CDH12: variants seen among roughly 807,000 people sequenced by gnomAD.
The protein encoded by CDH12 is cadherin 12, also known as cadherin-12.
In CDH12, 41 loss-of-function variants were observed where a neutral mutation model predicts 74.1. The ratio of observed to expected loss-of-function variants is 0.55; its 90% CI spans 0.43 to 0.72. CDH12 has a LOEUF of 0.72. Among genes scored for constraint, CDH12 ranks in the 30% least tolerant of loss-of-function variants. The pLI, the probability that CDH12 is intolerant of heterozygous loss-of-function variation, is 0.00. For synonymous variants in CDH12, 399 were observed against 355.0 expected, an observed-to-expected ratio of 1.12 and a Z score of -1.39; for missense variants, 945 against 977.2, an observed-to-expected ratio of 0.97 and a Z score of 0.44.
At chr5:21,929,336 C>T (rs1754732115) in intron 6 of CDH12, among the ~76,000 whole-genome samples, 1 of 150,872 alleles carries the variant, frequency 6.6e-6, no homozygotes, top group Admixed American at 6.6e-5. Flanking sequence ...CAGTGGAATC[C>T]TAGAGCTTGT....
Position 22,167,413 on chromosome 5 carries a change from T to G in CDH12, c.-187+45085A>C, listed in dbSNP as rs1213465027. 5.9e-5 allele frequency among the ~76,000 whole-genome samples: 9 copies of G among 152,272 alleles called. No homozygotes were observed. The East Asian group carries it at 1.4e-3, about 23-fold the overall frequency. ...TGAAAAGTTTAATGCCATGGACAGA[T>G]TTTGACAGTGGTAATGGTATTGGTG... is the stretch of plus-strand genomic sequence containing the variant. On this transcript the variant is annotated intron_variant, in intron 4 of 14. Transcript: ENST00000382254.
At chr5:22,439,663 G>T (rs886185772) in intron 2 of CDH12, among the ~76,000 whole-genome samples, 1 of 152,044 alleles carries the variant, frequency 6.6e-6, no homozygotes, top group Non-Finnish European at 1.5e-5. Flanking sequence ...AAAACCTGAG[G>T]CTGCTACCAA....
In CDH12 at chr5:21,868,420, C is replaced by A. The variant is rs930433486; in HGVS notation, c.527-13630G>T. ...CTGTAGGGCCATCAGCATGCTACTC[C>A]AAACTGGGAAAGCTATAGGCATAAG... On this transcript the variant is annotated intron_variant, in intron 6 of 14. Coordinates refer to ENST00000382254, the MANE Select transcript of CDH12 (RefSeq NM_004061.5). Among the ~76,000 whole-genome samples, 4 of 152,114 alleles carry A rather than the reference C, an allele frequency of 2.6e-5. No homozygotes were observed. In the South Asian group the frequency reaches 6.2e-4, roughly 24 times the overall value.
At chr5:21,795,809 C>T (rs1746748426) in intron 10 of CDH12, among the ~76,000 whole-genome samples, 4 of 151,938 alleles carry the variant, frequency 2.6e-5, no homozygotes, top group Admixed American at 1.3e-4. Flanking sequence ...TGCACACATG[C>T]TAAGATTTCT....
intron 3 of CDH12, among the ~76,000 whole-genome samples, chr5:22,402,312 C>A (rs1007353303): frequency 6.6e-6 from 1 of 152,162 alleles, no homozygotes; most frequent in Non-Finnish European, 1.5e-5. Context: ...TCTTAAAGAA[C>A]ACATACTTTT....
Position 22,625,601 on chromosome 5 carries a change from G to A in CDH12, c.-522-120237C>T, listed in dbSNP as rs556518946. On this transcript the variant is annotated intron_variant, in intron 1 of 14. Transcript: ENST00000382254. ...CTCCTTTAGCTGGCTTTAGCTTTTG[G>A]GTAGTGTTAGACCTGGACAGAGCAT... 9.9e-5 allele frequency among the ~76,000 whole-genome samples: 15 copies of A among 152,272 alleles called. No individual in the cohort carries two copies. The East Asian group carries it at 2.9e-3, about 30-fold the overall frequency.
At chr5:22,748,081 T>C (rs1166584592) in intron 1 of CDH12, among the ~76,000 whole-genome samples, 1 of 152,184 alleles carries the variant, frequency 6.6e-6, no homozygotes, top group African/African-American at 2.4e-5. Flanking sequence ...TGTTTAAAAC[T>C]TTTTCAAGAG....
At chr5:22,707,886 G>C (rs1743098549) in intron 1 of CDH12, among the ~76,000 whole-genome samples, 1 of 151,948 alleles carries the variant, frequency 6.6e-6, no homozygotes, top group South Asian at 2.1e-4. Flanking sequence ...CACTAAACTA[G>C]CCTCCAAAAA....
In CDH12 at chr5:22,613,102, A is replaced by G. The variant is rs139916572; in HGVS notation, c.-522-107738T>C. Among the ~76,000 whole-genome samples, 426 of 152,226 alleles carry G rather than the reference A, an allele frequency of 2.8e-3. 4 individuals carry two copies. The highest frequency in any genetic ancestry group is 9.8e-3 in the African/African-American group (406 of 41,566). On this transcript the variant is annotated intron_variant, in intron 1 of 14. Transcript: ENST00000382254. ...TAAGCATCTTAATGTGATGACATCCATAAAATCTACATGTCACATTTCATC... is the reference window on the plus strand; with the variant it reads ...TAAGCATCTTAATGTGATGACATCCGTAAAATCTACATGTCACATTTCATC...
At chr5:22,091,052 A>G (rs1743392115) in intron 4 of CDH12, among the ~76,000 whole-genome samples, 1 of 151,900 alleles carries the variant, frequency 6.6e-6, no homozygotes, top group African/African-American at 2.4e-5. Flanking sequence ...TCGTGTCTTT[A>G]CGACATTCTA....
At position 21,754,227 on chromosome 5, in the gene CDH12, C is replaced by G. The variant is rs1002108028; in HGVS notation, c.1885+1364G>C. On this transcript the variant is annotated intron_variant, in intron 14 of 14. Coordinates refer to ENST00000382254, the MANE Select transcript of CDH12 (RefSeq NM_004061.5). Reference sequence around the variant, plus strand: ...GCATATAAGGGTGAAAACCCTCTCTCCATGGTCTTCCCTAGCTCTATTTGT... The same window carrying G: ...GCATATAAGGGTGAAAACCCTCTCTGCATGGTCTTCCCTAGCTCTATTTGT... Among the ~76,000 whole-genome samples, 15 of 152,052 alleles carry G rather than the reference C, an allele frequency of 9.9e-5. No homozygotes were observed. The East Asian group carries it at 2.9e-3, about 29-fold the overall frequency.
intron 1 of CDH12, among the ~76,000 whole-genome samples, chr5:22,581,114 A>G (rs1402492446): frequency 6.6e-6 from 1 of 152,206 alleles, no homozygotes; most frequent in Non-Finnish European, 1.5e-5. Flanking sequence ...CATATGTCAC[A>G]AGGAGTCAAA....
At chr5:22,210,886 A>T (rs1001179285) in intron 4 of CDH12, among the ~76,000 whole-genome samples, 1 of 152,222 alleles carries the variant, frequency 6.6e-6, no homozygotes, top group East Asian at 1.9e-4. Flanking sequence ...TGTAGTCAAC[A>T]CATTCTTCTC....
At chr5:22,030,460 G>A (rs1738738107) in intron 5 of CDH12, among the ~76,000 whole-genome samples, 1 of 152,036 alleles carries the variant, frequency 6.6e-6, no homozygotes, top group East Asian at 1.9e-4. Context: ...ATTTTGATAG[G>A]AACCTTATTA....
At chr5:21,778,564 A>T (rs11741494) in intron 11 of CDH12, among the ~76,000 whole-genome samples, 1 of 143,976 alleles carries the variant, frequency 6.9e-6, no homozygotes, top group African/African-American at 2.6e-5. Context: ...CCATATTGTC[A>T]TCAGTCCTAA....
At chr5:22,052,294 G>A (rs577372623) in intron 5 of CDH12, among the ~76,000 whole-genome samples, 4 of 152,126 alleles carry the variant, frequency 2.6e-5, no homozygotes, top group African/African-American at 9.6e-5. Context: ...TTTTGTTGCT[G>A]TTTTATTTTA....
chr5:22,171,335 C>G (rs1016431611), intron 4 of CDH12, among the ~76,000 whole-genome samples: 2 of 151,842 alleles, frequency 1.3e-5, no homozygotes, highest in Admixed American at 1.3e-4. Context: ...AATAAATGTA[C>G]TAGATGGCTA....
intron 6 of CDH12, among the ~76,000 whole-genome samples, chr5:21,913,027 G>C (rs188400961): frequency 1.3e-3 from 197 of 152,236 alleles, no homozygotes; most frequent in African/African-American, 4.4e-3. Flanking sequence ...ATTTTTAGTA[G>C]ATATGGGATT....
intron 1 of CDH12, among the ~76,000 whole-genome samples, chr5:22,756,117 A>G (rs1745890603): frequency 6.9e-6 from 1 of 144,244 alleles, no homozygotes; most frequent in African/African-American, 2.6e-5. Context: ...AAAAAAAAAA[A>G]AAGAAAGAAA....
Sources: gnomAD v4.1 joint callset for allele counts (sites outside exome capture counted in the v4.1 genomes callset) on GRCh38, gnomAD v4.1.1 for gene constraint, MANE v1.5 for transcripts, NCBI Gene and HGNC (gene_info 2026-07-23, HGNC 2026-07-21) for gene names.